The following MAPKBP1 variants were observed in gnomAD, a reference collection of about 807,000 sequenced individuals.
The protein encoded by MAPKBP1 is mitogen-activated protein kinase binding protein 1, also known as mitogen-activated protein kinase-binding protein 1.
A neutral mutation model predicts 170.5 loss-of-function variants in MAPKBP1; 71 were observed. That is an observed-to-expected ratio of 0.42 (90% CI 0.34 to 0.51). The LOEUF (loss-of-function observed/expected upper bound fraction) is 0.51, where lower values mean the gene tolerates loss of function less well. MAPKBP1 is among the 20% of genes least tolerant of loss of function. MAPKBP1 has a pLI of 0.06. For missense variants in MAPKBP1, 1,598 were observed against 1,933.0 expected, an observed-to-expected ratio of 0.83 and a Z score of 3.25; for synonymous variants, 719 against 757.9, an observed-to-expected ratio of 0.95 and a Z score of 0.84.
chr15:41,814,111 A>G (rs1244276745), intron 9 of MAPKBP1, among the ~76,000 whole-genome samples: 1 of 152,206 alleles, frequency 6.6e-6, no homozygotes, highest in Non-Finnish European at 1.5e-5. Context: ...ACAGTGGAAC[A>G]TCTTGTTAAT....
Position 41,825,287 on chromosome 15 carries a change from C to G in MAPKBP1, c.4378C>G (p.Gln1460Glu). The G allele has an allele frequency of 6.2e-7, 1 of 1,612,548 alleles. No individual in the cohort carries two copies. The highest frequency in any genetic ancestry group is 8.5e-7 in the Non-Finnish European group (1 of 1,179,042). Residue 1460 changes from glutamine to glutamate, a missense_variant, in exon 31 of 31, where the codon CAG becomes GAG. By Grantham distance (29) the Gln-to-Glu change is conservative. This residue lies in a region of MAPKBP1 where 942 missense variants were observed against 953.2 expected (regional missense o/e 0.99). Coordinates refer to ENST00000457542, the MANE Select transcript of MAPKBP1 (RefSeq NM_014994.3). ...CAGAGACACCTTCTCTTCAGTGCGA[C>G]AGGAGCTGGAAGCTGTGGCTGGGGC... ...LLRDTFSSVR[Q>E]ELEAVAGAVL... is the part of the protein sequence containing the mutation.
Position 41,815,618 on chromosome 15 carries a change from C to A in MAPKBP1, c.1318-6C>A, listed in dbSNP as rs1277425843. The A allele has an allele frequency of 1.1e-5, 18 of 1,612,012 alleles. No individual in the cohort carries two copies. The highest frequency in any genetic ancestry group is 1.5e-5 in the Non-Finnish European group (18 of 1,178,566). On this transcript the variant is annotated splice_polypyrimidine_tract_variant and splice_region_variant and intron_variant, in intron 11 of 30. Coordinates refer to ENST00000457542, the MANE Select transcript of MAPKBP1 (RefSeq NM_014994.3). Reference sequence around the variant, plus strand: ...CTCATCCACCTTTTCTAACCTGTTCCACTAGGACCTCATTAAAATCATCTA... The same window carrying A: ...CTCATCCACCTTTTCTAACCTGTTCAACTAGGACCTCATTAAAATCATCTA...
intron 8 of MAPKBP1, 133 bp downstream of exon 8, chr15:41,813,234 G>A (rs1457100147): frequency 6.6e-7 from 1 of 1,508,902 alleles, no homozygotes; most frequent in South Asian, 1.2e-5. Context: ...GCTTGGGGGA[G>A]CTAGAGCTTG....
intron 7 of MAPKBP1, 90 bp from the exon 8 acceptor site, chr15:41,812,829 C>G: frequency 1.4e-6 from 2 of 1,479,762 alleles, no homozygotes; most frequent in South Asian, 2.7e-5. Flanking sequence ...CAAGGAGGTG[C>G]TGGAGGCGTC....
chr15:41,808,558 C>G lies in MAPKBP1; in HGVS notation c.207-2325C>G, dbSNP rs949767878. On this transcript the variant is annotated intron_variant, in intron 3 of 30. Transcript: ENST00000457542. The stretch of plus-strand genomic sequence containing the variant: ...TGGCATGATCTCAACTCATTGCAAC[C>G]TTCACCTCCTGGGTTCAAGCAATTC... Among the ~76,000 whole-genome samples the G allele has an allele frequency of 5.9e-5, 9 of 151,332 alleles. 1 individual carries two copies. The South Asian group carries it at 8.4e-4, about 14-fold the overall frequency.
chr15:41,797,519 A>G (rs2064512438), intron 2 of MAPKBP1, among the ~76,000 whole-genome samples: 2 of 152,152 alleles, frequency 1.3e-5, no homozygotes, highest in South Asian at 4.1e-4. Context: ...TAAACTGAGT[A>G]TCCCCCAGAC....
At position 41,817,340 on chromosome 15, in the gene MAPKBP1, C is replaced by G. The variant is rs1373189237; in HGVS notation, c.1712-48C>G. 6.3e-7 allele frequency: 1 copy of G among 1,589,864 alleles called. No individual in the cohort carries two copies. ...GAGGGAAGGTGGGAGGCAGGCTGCT[C>G]CCATGTGGTGAGAACAGTGGGAACA... On this transcript the variant is annotated intron_variant, in intron 14 of 30. Coordinates refer to ENST00000457542, the MANE Select transcript of MAPKBP1 (RefSeq NM_014994.3). The surrounding 1 kb of genome is among the most constrained non-coding windows in gnomAD (Gnocchi z 4.2).
chr15:41,819,757 C>A, intron 22 of MAPKBP1, 107 bp downstream of exon 22: 1 of 1,122,982 alleles, frequency 8.9e-7, no homozygotes, highest in African/African-American at 1.5e-5. Context: ...GGGGTCTGCC[C>A]ACATGCTGCA....
At chr15:41,795,638 G>A (rs1020192339) in intron 2 of MAPKBP1, among the ~76,000 whole-genome samples, 5 of 151,824 alleles carry the variant, frequency 3.3e-5, no homozygotes, top group Non-Finnish European at 5.9e-5. Flanking sequence ...ACAGAGTCTC[G>A]CTCTGTCGCC....
At chr15:41,819,729 G>A (rs1302546546) in intron 22 of MAPKBP1, 79 bp downstream of exon 22, 5 of 1,438,894 alleles carry the variant, frequency 3.5e-6, no homozygotes, top group Non-Finnish European at 3.8e-6. Context: ...CTCTGGGCCT[G>A]GTAGGGTACT....
rs569567221 is a variant in MAPKBP1 at position 41,822,875 on chromosome 15, G to A, written c.3315-64G>A. The stretch of plus-strand genomic sequence containing the variant: ...AGTGCCCTGGTGCTATGAGTTTCTC[G>A]CCATTTTGGCAGGGAGGAGCATTGA... On this transcript the variant is annotated intron_variant, in intron 27 of 30. Transcript: ENST00000457542. 1.7e-5 allele frequency: 27 copies of A among 1,543,140 alleles called. No homozygotes were observed. In the African/African-American group the frequency reaches 2.3e-4, roughly 13 times the overall value.
intron 2 of MAPKBP1, among the ~76,000 whole-genome samples, chr15:41,787,380 G>T (rs2064317074): frequency 6.7e-6 from 1 of 148,814 alleles, no homozygotes; most frequent in South Asian, 2.1e-4. Context: ...TTTTGGGTGG[G>T]GGGCAGGGAC....
chr15:41,812,236 C>A, intron 6 of MAPKBP1, 109 bp downstream of exon 6: 1 of 1,428,514 alleles, frequency 7.0e-7, no homozygotes, highest in Non-Finnish European at 9.6e-7. Context: ...CTGAACCATT[C>A]TCATTCTAGA....
chr15:41,800,165 A>G (rs939823411), intron 3 of MAPKBP1, among the ~76,000 whole-genome samples: 2 of 152,170 alleles, frequency 1.3e-5, no homozygotes, highest in African/African-American at 4.8e-5. Flanking sequence ...TATGTTACAC[A>G]CAGTTCCCAG....
rs372686032 is a variant in MAPKBP1 at position 41,822,654 on chromosome 15, G to C, written c.3291G>C (p.Leu1097Phe). The change falls in exon 27 of 31, where the codon TTG (leucine) becomes TTC (phenylalanine). Residue 1097 changes from leucine (L) to phenylalanine (F), a missense_variant. By Grantham distance (22) the Leu-to-Phe change is conservative. Around this residue, in one of 6 missense-constraint regions of MAPKBP1, gnomAD observed 942 missense variants for 953.2 expected, o/e 0.99. Coordinates refer to ENST00000457542, the MANE Select transcript of MAPKBP1 (RefSeq NM_014994.3). ...GGAGTATCTCTTCACGATTCCTGTT[G>C]CAAGTACAGACCCGCCCACTCAGGT... Reference protein sequence around the residue: ...ESRSISSRFLLQVQTRPLREP... With the variant: ...ESRSISSRFLFQVQTRPLREP... 9.9e-6 allele frequency: 16 copies of C among 1,613,934 alleles called. No individual in the cohort carries two copies. Among genetic ancestry groups the C allele is most frequent in the Non-Finnish European group, 1.4e-5 (16 of 1,179,978 alleles).
chr15:41,819,707 G>A, intron 22 of MAPKBP1, 57 bp downstream of exon 22: 7 of 1,543,916 alleles, frequency 4.5e-6, no homozygotes, highest in Non-Finnish European at 6.2e-6. Flanking sequence ...AGGGAGCTGT[G>A]AGAACAGGGC....
Position 41,812,643 on chromosome 15 carries a change from A to G in MAPKBP1, c.626A>G (p.Lys209Arg), listed in dbSNP as rs1296388979. ...HIKFWYLDDS[K>R]TSKVNATVPL... ...AAATTCTGGTATCTCGATGACAGCA[A>G]GACCTCAAAGGTGAGGTGCTGAAGC... is the stretch of plus-strand genomic sequence containing the variant. Residue 209 changes from lysine (K) to arginine (R), a missense_variant, in exon 7 of 31, where the codon AAG (lysine) becomes AGG (arginine). Physicochemically the swap from Lys to Arg is conservative, Grantham distance 26. This residue lies in a region of MAPKBP1 where 430 missense variants were observed against 617.2 expected (regional missense o/e 0.70). Coordinates refer to ENST00000457542, the MANE Select transcript of MAPKBP1 (RefSeq NM_014994.3). 36 of 1,605,692 alleles carry G rather than the reference A, an allele frequency of 2.2e-5. No homozygotes were observed. Among genetic ancestry groups the G allele is most frequent in the Non-Finnish European group, 2.7e-5 (32 of 1,175,240 alleles).
intron 3 of MAPKBP1, among the ~76,000 whole-genome samples, chr15:41,806,244 C>T (rs1326141440): frequency 2.0e-5 from 3 of 152,086 alleles, no homozygotes; most frequent in East Asian, 1.9e-4. Context: ...ACAGTAGAAG[C>T]GGTAGCAGTG....
At chr15:41,816,330 C>T (rs1289761000) in intron 12 of MAPKBP1, 2 of 548,210 alleles carry the variant, frequency 3.6e-6, no homozygotes, top group South Asian at 2.6e-5. Flanking sequence ...AGTATTATAC[C>T]AACATAAATT....
Sources: allele counts gnomAD v4.1 joint callset (sites outside exome capture counted in the v4.1 genomes callset), GRCh38; gene constraint gnomAD v4.1.1; regional missense constraint gnomAD v4.1.1; non-coding constraint Gnocchi (gnomAD v3.1); transcripts MANE v1.5; gene names NCBI Gene and HGNC (gene_info 2026-07-23, HGNC 2026-07-21).